RAB27A: variants seen among roughly 807,000 people sequenced by gnomAD.
RAB27A encodes the protein ras-related protein Rab-27A.
A neutral mutation model predicts 20.8 loss-of-function variants in RAB27A; 17 were observed. The ratio of observed to expected loss-of-function variants is 0.82; its 90% CI spans 0.56 to 1.23. RAB27A has a LOEUF of 1.23. Ranked by LOEUF, RAB27A falls within the 50% of genes most tolerant of loss-of-function variation. The probability of loss-of-function intolerance (pLI) is 0.00; values close to 1 mark genes in which losing one functional copy is unlikely to be tolerated. For synonymous variants in RAB27A, 85 were observed against 92.8 expected (o/e 0.92, Z 0.48); for missense variants, 277 against 266.7 (o/e 1.04, Z -0.27).
At chr15:55,253,233 A>G (rs1181728142) in intron 2 of RAB27A, among the ~76,000 whole-genome samples, 1 of 151,656 alleles carries the variant, frequency 6.6e-6, no homozygotes, top group Non-Finnish European at 1.5e-5. Flanking sequence ...AGATCACCTG[A>G]GGTCAGGTAT....
chr15:55,281,328 G>A (rs1007912), intron 1 of RAB27A, among the ~76,000 whole-genome samples: 7,957 of 152,230 alleles, frequency 0.052, 290 homozygotes, highest in East Asian at 0.16. Flanking sequence ...CCGAAAGGAA[G>A]CATACACTGT....
intron 2 of RAB27A, among the ~76,000 whole-genome samples, chr15:55,256,949 A>C (rs62018091): frequency 0.34 from 51,392 of 152,046 alleles, 9,846 homozygotes; most frequent in East Asian, 0.78. Flanking sequence ...TCACTCCTTG[A>C]AGATGAGAGC....
rs562574552 is a variant in RAB27A at position 55,304,744 on chromosome 15, TC to T, written c.-112+9294del. ...ACGGAAATACCACTTATTTATCCAT[TC>T]ATCAGTTAATGGACACTTGGGTTTT... On this transcript the variant is annotated intron_variant, in intron 2 of 5. Transcript: ENST00000563262. Among the ~76,000 whole-genome samples the T allele has an allele frequency of 4.6e-5, 7 of 152,336 alleles. No individual in the cohort carries two copies. In the South Asian group the frequency reaches 1.4e-3, roughly 32 times the overall value.
chr15:55,260,099 T>G (rs1897221803), intron 2 of RAB27A: 1 of 145,970 alleles, frequency 6.9e-6, no homozygotes, highest in African/African-American at 2.4e-5. Context: ...TATTTCTCCA[T>G]CTATTTACGT....
intron 2 of RAB27A, among the ~76,000 whole-genome samples, chr15:55,301,645 C>CTTTTTTT (rs754262049): frequency 3.4e-5 from 4 of 117,612 alleles, no homozygotes; most frequent in Non-Finnish European, 6.7e-5. Context: ...CCCTAAAAAT[C>CTTTTTTT]TTTTTTTTTT....
intron 2 of RAB27A, among the ~76,000 whole-genome samples, chr15:55,299,735 AT>A (rs2054963841): frequency 1.3e-5 from 2 of 152,152 alleles, no homozygotes; most frequent in Non-Finnish European, 2.9e-5. Context: ...AGTTTATCTT[AT>A]TCTAAAGGAC....
intron 2 of RAB27A, among the ~76,000 whole-genome samples, chr15:55,252,951 G>A (rs1896947157): frequency 6.6e-6 from 1 of 151,876 alleles, no homozygotes; most frequent in Non-Finnish European, 1.5e-5. Flanking sequence ...GGCCAACATG[G>A]TGAAACCCCA....
chr15:55,230,411 C>T lies in RAB27A; in HGVS notation c.229G>A (p.Gly77Arg), dbSNP rs758986523. 3.1e-6 allele frequency: 5 copies of T among 1,612,480 alleles called. No individual in the cohort carries two copies. In the Admixed American group the frequency reaches 8.3e-5, roughly 27 times the overall value. The change falls in exon 4 of 7, where the codon GGG becomes AGG. Residue 77 changes from glycine to arginine, a missense_variant. Coordinates refer to ENST00000336787, the MANE Select transcript of RAB27A (RefSeq NM_183235.3). ...RIHLQLWDTA[G>R]QERFRSLTTA... ...CTGAAGATCTCATACCTCTCCTGCC[C>T]TGCTGTGTCCCATAACTGCAGGTGG... is the stretch of plus-strand genomic sequence containing the variant.
At chr15:55,212,894 A>G (rs1895097437) in intron 6 of RAB27A, among the ~76,000 whole-genome samples, 2 of 152,238 alleles carry the variant, frequency 1.3e-5, no homozygotes, top group South Asian at 2.1e-4. Context: ...TAATTTTTAA[A>G]TAACTCACAA....
At position 55,274,489 on chromosome 15, in the gene RAB27A, C is replaced by T. The variant is rs1897793273; in HGVS notation, c.-142-4205G>A. Among the ~76,000 whole-genome samples, 3 of 150,364 alleles carry T rather than the reference C, an allele frequency of 2.0e-5. No individual in the cohort carries two copies. The South Asian group carries it at 6.3e-4, about 32-fold the overall frequency. The stretch of plus-strand genomic sequence containing the variant: ...TTTTTGAAAAAATAAACAAAATTGA[C>T]AAAACTGGCTGGGTGCGGTGGTTCA... On this transcript the variant is annotated intron_variant, in intron 1 of 6. Transcript: ENST00000336787.
At chr15:55,315,781 T>C (rs2055040555) in intron 1 of RAB27A, among the ~76,000 whole-genome samples, 1 of 152,116 alleles carries the variant, frequency 6.6e-6, no homozygotes, top group Non-Finnish European at 1.5e-5. Context: ...TGTGGAGAAA[T>C]ACGAACGCTT....
intron 6 of RAB27A, chr15:55,206,350 T>A: frequency 2.9e-6 from 2 of 697,548 alleles, no homozygotes; most frequent in Non-Finnish European, 3.5e-6. Flanking sequence ...TTCGTTTAAG[T>A]TTTTGGAGGG....
intron 1 of RAB27A, among the ~76,000 whole-genome samples, chr15:55,288,292 A>G (rs117674003): frequency 0.031 from 4,709 of 152,200 alleles, 81 homozygotes; most frequent in Non-Finnish European, 0.041. Context: ...AGGCTGACGC[A>G]GGTTGATCAC....
At chr15:55,312,258 G>C (rs1368352714) in intron 2 of RAB27A, among the ~76,000 whole-genome samples, 5 of 152,152 alleles carry the variant, frequency 3.3e-5, no homozygotes. Flanking sequence ...AGGGGTGGAC[G>C]GCGAGCAAAA....
intron 6 of RAB27A, among the ~76,000 whole-genome samples, chr15:55,221,813 T>A (rs1895584919): frequency 6.6e-6 from 1 of 152,110 alleles, no homozygotes; most frequent in Non-Finnish European, 1.5e-5. Context: ...GGCCAGGTGA[T>A]GTTGTTAGCC....
intron 2 of RAB27A, among the ~76,000 whole-genome samples, chr15:55,264,255 T>A (rs915361111): frequency 1.3e-5 from 2 of 152,204 alleles, no homozygotes; most frequent in Non-Finnish European, 2.9e-5. Context: ...TTCGCCATGT[T>A]GCCCAGGCTG....
intron 2 of RAB27A, among the ~76,000 whole-genome samples, chr15:55,247,419 C>T (rs1896730357): frequency 6.6e-6 from 1 of 151,966 alleles, no homozygotes; most frequent in Non-Finnish European, 1.5e-5. Flanking sequence ...AAGGACTTCA[C>T]ATTGCAAAGA....
At chr15:55,207,600 A>G (rs922159233) in intron 6 of RAB27A, among the ~76,000 whole-genome samples, 1 of 152,258 alleles carries the variant, frequency 6.6e-6, no homozygotes, top group African/African-American at 2.4e-5. Context: ...ATCCAGTACA[A>G]TAACTACTAG....
intron 2 of RAB27A, among the ~76,000 whole-genome samples, chr15:55,306,252 T>C (rs1566941215): frequency 6.6e-6 from 1 of 152,194 alleles, no homozygotes; most frequent in East Asian, 1.9e-4. Context: ...GGTGTTTATG[T>C]GTTGAAGTTG....
Sources: gnomAD v4.1 joint callset for allele counts (sites outside exome capture counted in the v4.1 genomes callset) on GRCh38, gnomAD v4.1.1 for gene constraint, MANE v1.5 for transcripts, NCBI Gene and HGNC (gene_info 2026-07-23, HGNC 2026-07-21) for gene names.